Variants in NRG3 observed in about 807,000 individuals in gnomAD.
NRG3 encodes the protein pro-neuregulin-3, membrane-bound isoform.
In NRG3, 31 loss-of-function variants were observed where a neutral mutation model predicts 66.9. That is an observed-to-expected ratio of 0.46 (90% CI 0.35 to 0.63). The LOEUF is 0.63. Among genes scored for constraint, NRG3 ranks in the 20% least tolerant of loss-of-function variants. The pLI, the probability that NRG3 is intolerant of heterozygous loss-of-function variation, is 0.00. For synonymous variants in NRG3, 393 were observed against 359.4 expected, an observed-to-expected ratio of 1.09 and a Z score of -1.06; for missense variants, 910 against 878.9, an observed-to-expected ratio of 1.04 and a Z score of -0.45.
chr10:81,915,210 A>G (rs1845561790), intron 1 of NRG3, among the ~76,000 whole-genome samples: 2 of 152,176 alleles, frequency 1.3e-5, no homozygotes, highest in Admixed American at 1.3e-4. Flanking sequence ...TTATATTTTA[A>G]GCATTAATCA....
At chr10:82,272,933 A>T (rs2078671780) in intron 1 of NRG3, among the ~76,000 whole-genome samples, 1 of 151,932 alleles carries the variant, frequency 6.6e-6, no homozygotes, top group Non-Finnish European at 1.5e-5. Flanking sequence ...AATTCGTTCC[A>T]GTTCTTGGGG....
At chr10:82,234,640 G>A (rs2076666815) in intron 1 of NRG3, among the ~76,000 whole-genome samples, 1 of 152,172 alleles carries the variant, frequency 6.6e-6, no homozygotes, top group Non-Finnish European at 1.5e-5. Context: ...TCAAAATAGA[G>A]CAATCATTAT....
At chr10:82,174,705 T>C (rs970364002) in intron 1 of NRG3, among the ~76,000 whole-genome samples, 5 of 152,042 alleles carry the variant, frequency 3.3e-5, no homozygotes, top group Non-Finnish European at 5.9e-5. Flanking sequence ...GGATCTCCAC[T>C]TTCTTCTTAT....
intron 2 of NRG3, among the ~76,000 whole-genome samples, chr10:82,401,220 A>G (rs1342224069): frequency 9.9e-5 from 15 of 152,162 alleles, no homozygotes; most frequent in African/African-American, 3.6e-4. Flanking sequence ...ACACATAAGA[A>G]TGTATATGTG....
chr10:82,350,963 C>T (rs2083398650), intron 1 of NRG3, among the ~76,000 whole-genome samples: 1 of 151,738 alleles, frequency 6.6e-6, no homozygotes, highest in Non-Finnish European at 1.5e-5. Flanking sequence ...GCGATCTCGG[C>T]TCACTGCAAG....
At chr10:82,198,938 A>C (rs1012411048) in intron 1 of NRG3, among the ~76,000 whole-genome samples, 1 of 149,548 alleles carries the variant, frequency 6.7e-6, no homozygotes, top group East Asian at 2.0e-4. Flanking sequence ...CGGAGGTTGC[A>C]GTGAGCCAAG....
intron 3 of NRG3, among the ~76,000 whole-genome samples, chr10:82,740,689 T>C (rs952406279): frequency 1.3e-5 from 2 of 151,438 alleles, no homozygotes; most frequent in Non-Finnish European, 2.9e-5. Context: ...CCTGGTATGG[T>C]GGCAAGTGCC....
intron 2 of NRG3, among the ~76,000 whole-genome samples, chr10:82,485,129 T>A (rs555993305): frequency 6.6e-6 from 1 of 152,290 alleles, no homozygotes; most frequent in South Asian, 2.1e-4. Context: ...TCTGGAATGC[T>A]ACTGTGATAC....
chr10:82,453,831 T>G (rs975140797), intron 2 of NRG3, among the ~76,000 whole-genome samples: 1 of 152,178 alleles, frequency 6.6e-6, no homozygotes, highest in Non-Finnish European at 1.5e-5. Flanking sequence ...GAGTTGAATT[T>G]GATGATGCTT....
At chr10:82,313,322 G>A (rs891942027) in intron 1 of NRG3, among the ~76,000 whole-genome samples, 6 of 151,874 alleles carry the variant, frequency 4.0e-5, no homozygotes, top group Non-Finnish European at 8.8e-5. Context: ...CGGTGACAGA[G>A]CAGGACTCCA....
intron 2 of NRG3, among the ~76,000 whole-genome samples, chr10:82,531,029 A>G (rs1481825139): frequency 6.6e-6 from 1 of 151,822 alleles, no homozygotes; most frequent in Non-Finnish European, 1.5e-5. Context: ...TTGGACTGAA[A>G]CATTTGCATG....
intron 1 of NRG3, among the ~76,000 whole-genome samples, chr10:82,113,508 G>T (rs1344349561): frequency 6.6e-6 from 1 of 152,160 alleles, no homozygotes; most frequent in East Asian, 1.9e-4. Context: ...TACATAAAAA[G>T]ATGTGGTGAT....
chr10:82,126,472 T>C (rs1191064479), intron 1 of NRG3, among the ~76,000 whole-genome samples: 1 of 152,004 alleles, frequency 6.6e-6, no homozygotes, highest in African/African-American at 2.4e-5. Flanking sequence ...GATGTCCTAG[T>C]AGATGTTTCG....
chr10:82,379,257 G>C (rs1161416026), intron 2 of NRG3, among the ~76,000 whole-genome samples: 2 of 152,152 alleles, frequency 1.3e-5, no homozygotes, highest in African/African-American at 4.8e-5. Flanking sequence ...AGGACTGCAA[G>C]TCTAACGAAG....
chr10:82,125,261 A>G (rs1590203007), intron 1 of NRG3, among the ~76,000 whole-genome samples: 1 of 151,212 alleles, frequency 6.6e-6, no homozygotes, highest in Non-Finnish European at 1.5e-5. Flanking sequence ...GTGTGTGTTT[A>G]TGTGTGTGTG....
intron 1 of NRG3, among the ~76,000 whole-genome samples, chr10:82,208,286 G>A (rs1315536080): frequency 6.6e-6 from 1 of 152,034 alleles, no homozygotes; most frequent in Non-Finnish European, 1.5e-5. Flanking sequence ...ATGCCTTTGG[G>A]AATAATAAAT....
chr10:82,049,456 A>T (rs150251304), intron 1 of NRG3, among the ~76,000 whole-genome samples: 111 of 152,126 alleles, frequency 7.3e-4, no homozygotes, highest in African/African-American at 2.5e-3. Context: ...CTTAAATCCT[A>T]CTTCTTTACA....
intron 2 of NRG3, among the ~76,000 whole-genome samples, chr10:82,403,461 T>C (rs551302007): frequency 1.3e-5 from 2 of 152,302 alleles, no homozygotes; most frequent in Non-Finnish European, 2.9e-5. Context: ...TCCACTATAA[T>C]TTATAGATTA....
At chr10:82,923,550 T>C (rs779611587) in intron 4 of NRG3, among the ~76,000 whole-genome samples, 5 of 152,230 alleles carry the variant, frequency 3.3e-5, no homozygotes, top group Non-Finnish European at 5.9e-5. Flanking sequence ...CAACATAGTG[T>C]TGCTCAATCA....
Sources: gnomAD v4.1 joint callset for allele counts (sites outside exome capture counted in the v4.1 genomes callset) on GRCh38, gnomAD v4.1.1 for gene constraint, MANE v1.5 for transcripts, NCBI Gene and HGNC (gene_info 2026-07-23, HGNC 2026-07-21) for gene names.